Variants in CECR2 observed in about 807,000 individuals in gnomAD.
CECR2 encodes the protein chromatin remodeling regulator CECR2.
CECR2 carries 30 observed loss-of-function variants against 154.5 expected under a neutral mutation model. The observed-to-expected ratio is 0.19, with a 90% CI of 0.15 to 0.26. The LOEUF is 0.26. Among genes scored for constraint, CECR2 ranks in the 10% least tolerant of loss-of-function variants. The probability of loss-of-function intolerance (pLI) is 1.00; values close to 1 mark genes in which losing one functional copy is unlikely to be tolerated. For synonymous variants in CECR2, 725 were observed against 683.7 expected (o/e 1.06, Z -0.94); for missense variants, 1,743 against 1,829.3 (o/e 0.95, Z 0.86).
chr22:17,363,271 C>T lies in CECR2; in HGVS notation c.-364+3248C>T, dbSNP rs554177737. On this transcript the variant is annotated intron_variant, in intron 1 of 18. Transcript: ENST00000400585. ...TTCGCCAGGCTGGAGTGCAGTGGCG[C>T]GATCACAGCTCACTGCAACCTCCGC... is the stretch of plus-strand genomic sequence containing the variant. Among the ~76,000 whole-genome samples, 26 of 150,820 alleles carry T rather than the reference C, an allele frequency of 1.7e-4. 1 individual carries two copies. The South Asian group carries it at 2.5e-3, about 15-fold the overall frequency.
chr22:17,438,631 T>G (rs982905013), intron 1 of CECR2, among the ~76,000 whole-genome samples: 13 of 151,784 alleles, frequency 8.6e-5, no homozygotes, highest in Non-Finnish European at 1.3e-4. Flanking sequence ...TTTTTTTTTT[T>G]GCAATTTTTT....
chr22:17,443,897 G>A (rs891863380), intron 1 of CECR2, among the ~76,000 whole-genome samples: 1 of 152,100 alleles, frequency 6.6e-6, no homozygotes, highest in Non-Finnish European at 1.5e-5. Flanking sequence ...ATGTAGGACG[G>A]AAGAGAACAA....
chr22:17,462,817 G>T (rs2054963770), intron 1 of CECR2, among the ~76,000 whole-genome samples: 1 of 152,140 alleles, frequency 6.6e-6, no homozygotes, highest in African/African-American at 2.4e-5. Context: ...GAAGGCCGAG[G>T]CAGAGAATTG....
intron 1 of CECR2, among the ~76,000 whole-genome samples, chr22:17,417,556 C>A (rs574445520): frequency 6.6e-5 from 10 of 152,232 alleles, no homozygotes; most frequent in African/African-American, 2.2e-4. Flanking sequence ...TAGCCTCAAG[C>A]CATTCACACG....
upstream of CECR2, among the ~76,000 whole-genome samples, chr22:17,369,079 G>A (rs2063022145): frequency 6.6e-6 from 1 of 152,062 alleles, no homozygotes; most frequent in Non-Finnish European, 1.5e-5. Context: ...ACTCCCACAC[G>A]TGCACGTTTC....
At chr22:17,473,297 A>G (rs537072617) in intron 1 of CECR2, among the ~76,000 whole-genome samples, 20 of 152,316 alleles carry the variant, frequency 1.3e-4, no homozygotes, top group South Asian at 4.1e-4. Flanking sequence ...TCACAGCTCA[A>G]TGCTCACAGT....
intron 1 of CECR2, among the ~76,000 whole-genome samples, chr22:17,475,330 G>A (rs1178663636): frequency 6.6e-6 from 1 of 152,122 alleles, no homozygotes; most frequent in Admixed American, 6.6e-5. Context: ...TGGCCGGGGG[G>A]AGCAGCTTGG....
At chr22:17,444,266 A>G (rs1160010025) in intron 1 of CECR2, among the ~76,000 whole-genome samples, 1 of 152,204 alleles carries the variant, frequency 6.6e-6, no homozygotes, top group East Asian at 1.9e-4. Flanking sequence ...CTCAGCTGGC[A>G]TCTGAAGCAC....
intron 2 of CECR2, among the ~76,000 whole-genome samples, chr22:17,486,337 G>A (rs2055419638): frequency 6.6e-6 from 1 of 152,214 alleles, no homozygotes; most frequent in Admixed American, 6.5e-5. Context: ...TGTTCATTTT[G>A]TTGCCAAAAT....
intron 2 of CECR2, among the ~76,000 whole-genome samples, chr22:17,483,899 C>G (rs1431660503): frequency 6.6e-6 from 1 of 152,162 alleles, no homozygotes; most frequent in African/African-American, 2.4e-5. Flanking sequence ...TATACAGATA[C>G]ACCATTTTAA....
At position 17,539,091 on chromosome 22, in the gene CECR2, T is replaced by C. The variant is rs2056481656; in HGVS notation, c.1467T>C (p.Asn489=). ...ATGACATGAAGACCATGTTCAGGAA[T>C]TGTCGAAAGTATAATGGGGAAAGTA... is the stretch of plus-strand genomic sequence containing the variant. ...FVNDMKTMFR[N]CRKYNGESSE... is the part of the protein sequence containing the mutation. Residue 489 remains asparagine, a synonymous_variant, in exon 13 of 19, where the codon AAT becomes AAC. Coordinates refer to ENST00000262608, the MANE Select transcript of CECR2 (RefSeq NM_001290047.2). 1 of 1,613,790 alleles carries C rather than the reference T, an allele frequency of 6.2e-7. No individual in the cohort carries two copies. The highest frequency in any genetic ancestry group is 8.5e-7 in the Non-Finnish European group (1 of 1,179,864).
chr22:17,533,004 A>G (rs989448868), intron 9 of CECR2, among the ~76,000 whole-genome samples: 1 of 151,756 alleles, frequency 6.6e-6, no homozygotes, highest in African/African-American at 2.4e-5. Context: ...AAATGTCAAC[A>G]TGAACAATTT....
intron 1 of CECR2, among the ~76,000 whole-genome samples, chr22:17,372,264 G>GT (rs1569037613): frequency 6.6e-6 from 1 of 152,122 alleles, no homozygotes. Flanking sequence ...TCCATCTCAG[G>GT]TATGTTTTGA....
chr22:17,426,012 A>T (rs2054323664), intron 1 of CECR2, among the ~76,000 whole-genome samples: 2 of 152,170 alleles, frequency 1.3e-5, no homozygotes, highest in Admixed American at 6.5e-5. Context: ...AAGCTAAGAG[A>T]TTAGGAAATA....
chr22:17,531,471 G>A (rs1249094677), intron 9 of CECR2, among the ~76,000 whole-genome samples: 1 of 152,228 alleles, frequency 6.6e-6, no homozygotes, highest in Non-Finnish European at 1.5e-5. Context: ...GCAGAGAAGG[G>A]AGTTGTATGT....
chr22:17,383,575 TAAAAA>T (rs947982539), intron 1 of CECR2, among the ~76,000 whole-genome samples: 20 of 150,848 alleles, frequency 1.3e-4, no homozygotes, highest in East Asian at 5.8e-4. Flanking sequence ...CAGACCAGGT[TAAAAA>T]AGAAAAGAAA....
At chr22:17,477,523 G>C in intron 1 of CECR2, 65 bp from the exon 2 acceptor site, 1 of 1,066,290 alleles carries the variant, frequency 9.4e-7, no homozygotes, top group South Asian at 1.3e-5. Context: ...GCTGGCGGTA[G>C]GAAGGGGTGT....
At position 17,442,126 on chromosome 22, in the gene CECR2, G is replaced by A. The variant is rs549170864; in HGVS notation, c.127-35462G>A. On this transcript the variant is annotated intron_variant, in intron 1 of 18. Coordinates refer to ENST00000262608, the MANE Select transcript of CECR2 (RefSeq NM_001290047.2). ...TTTACCTATTTTGAATTCAGAAGAAGATTCAAGGTGGGAAAGACAGAAAAA... is the reference window on the plus strand; with the variant it reads ...TTTACCTATTTTGAATTCAGAAGAAAATTCAAGGTGGGAAAGACAGAAAAA... Among the ~76,000 whole-genome samples the A allele has an allele frequency of 8.9e-5, 13 of 146,218 alleles. No homozygotes were observed. The South Asian group carries it at 2.5e-3, about 28-fold the overall frequency.
At chr22:17,513,364 C>T (rs910005534) in intron 8 of CECR2, among the ~76,000 whole-genome samples, 1 of 152,160 alleles carries the variant, frequency 6.6e-6, no homozygotes, top group Admixed American at 6.5e-5. Context: ...TGAATTGTTA[C>T]GTTACGGAGC....
Sources: allele counts gnomAD v4.1 joint callset (sites outside exome capture counted in the v4.1 genomes callset), GRCh38; gene constraint gnomAD v4.1.1; transcripts MANE v1.5; gene names NCBI Gene and HGNC (gene_info 2026-07-23, HGNC 2026-07-21).